SETBP1: variants seen among roughly 807,000 people sequenced by gnomAD.
SETBP1 encodes SET binding protein 1.
In SETBP1, 9 loss-of-function variants were observed where a neutral mutation model predicts 101.0. The ratio of observed to expected loss-of-function variants is 0.09; its 90% CI spans 0.05 to 0.16. The LOEUF (loss-of-function observed/expected upper bound fraction) is 0.16. Among genes scored for constraint, SETBP1 ranks in the 10% least tolerant of loss-of-function variants. The probability of loss-of-function intolerance (pLI) is 1.00; values close to 1 mark genes in which losing one functional copy is unlikely to be tolerated. For missense variants in SETBP1, 1,858 were observed against 2,033.8 expected (o/e 0.91, Z 1.66); for synonymous variants, 818 against 788.5 (o/e 1.04, Z -0.63).
intron 3 of SETBP1, among the ~76,000 whole-genome samples, chr18:44,945,750 T>C (rs564016542): frequency 2.6e-5 from 4 of 152,238 alleles, no homozygotes; most frequent in Non-Finnish European, 5.9e-5. Flanking sequence ...TTAAAAAGAC[T>C]CAGACCTTAT....
rs745656539 is a variant in SETBP1 at position 44,876,743 on chromosome 18, A to T, written c.540+7460A>T. 1.1e-5 allele frequency: 17 copies of T among 1,532,734 alleles called. No homozygotes were observed. In the East Asian group the frequency reaches 4.2e-4, roughly 38 times the overall value. The allele number at this position is 1,532,734 out of a possible 1,614,324, so 94.9% of individuals were successfully genotyped here. A position where few individuals can be genotyped will look rare whatever the true frequency, so the allele number is the denominator to read the frequency against. On this transcript the variant is annotated intron_variant, in intron 3 of 5. Coordinates refer to ENST00000649279, the MANE Select transcript of SETBP1 (RefSeq NM_015559.3). Reference sequence around the variant, plus strand: ...CACAGTGAACCTGCAGTCTGGGCACAAGAAGTATAACTTCGCATGGATTCT... The same window carrying T: ...CACAGTGAACCTGCAGTCTGGGCACTAGAAGTATAACTTCGCATGGATTCT...
At chr18:44,705,921 G>A (rs539741412) in intron 2 of SETBP1, among the ~76,000 whole-genome samples, 5 of 152,248 alleles carry the variant, frequency 3.3e-5, no homozygotes, top group South Asian at 2.1e-4. Context: ...AAGGATGCAC[G>A]GACTCTTCTA....
rs1055551345 is a variant in SETBP1, at chr18:44,951,616, C to T, written c.2276C>T (p.Pro759Leu). 12 of 1,614,072 alleles carry T rather than the reference C, an allele frequency of 7.4e-6. No homozygotes were observed. The highest frequency in any genetic ancestry group is 9.3e-6 in the Non-Finnish European group (11 of 1,180,046). The change falls in exon 4 of 6, where the codon CCA (proline) becomes CTA (leucine). Residue 759 changes from proline to leucine, a missense_variant. This residue lies in a region of SETBP1 where 121 missense variants were observed against 138.0 expected (regional missense o/e 0.88). Transcript: ENST00000649279. The surrounding 1 kb of genome is among the most constrained non-coding windows in gnomAD (Gnocchi z 7.8). ...CCTGTTTCTAGCCAGCCGGATGTTC[C>T]AGCCGTGCCTTCCAACTTTCAGTCA... ...PRPVSSQPDV[P>L]AVPSNFQSLV...
chr18:44,781,962 C>T (rs866256215), intron 2 of SETBP1, among the ~76,000 whole-genome samples: 3 of 152,214 alleles, frequency 2.0e-5, no homozygotes, highest in African/African-American at 4.8e-5. Context: ...CAACCCTTAA[C>T]GTTTTGAGTT....
At chr18:44,681,627 AT>A (rs1446695951) in intron 1 of SETBP1, among the ~76,000 whole-genome samples, 1 of 143,808 alleles carries the variant, frequency 7.0e-6, no homozygotes, top group Non-Finnish European at 1.5e-5. Flanking sequence ...TTCATTGGAG[AT>A]TGAAAGTTGT....
intron 3 of SETBP1, among the ~76,000 whole-genome samples, chr18:44,925,246 A>G (rs541613088): frequency 2.6e-5 from 4 of 152,072 alleles, no homozygotes; most frequent in Admixed American, 6.5e-5. Context: ...TTCACACATA[A>G]TAAAATACTT....
intron 4 of SETBP1, among the ~76,000 whole-genome samples, chr18:45,006,529 C>G (rs2145357713): frequency 6.6e-6 from 1 of 152,310 alleles, no homozygotes; most frequent in South Asian, 2.1e-4. Context: ...TTCCATGCTT[C>G]TCTCCTTGCA....
chr18:44,937,454 C>CAAAAAA (rs34414710), intron 3 of SETBP1, among the ~76,000 whole-genome samples: 40 of 83,374 alleles, frequency 4.8e-4, no homozygotes, highest in African/African-American at 1.7e-3. Context: ...GACTCCGTCT[C>CAAAAAA]AAAAAAAAAA....
Position 44,952,433 on chromosome 18 carries a change from G to T in SETBP1, c.3093G>T (p.Lys1031Asn), listed in dbSNP as rs2071381593. ...RPAKTNDTMT[K>N]VPFLQGFSYP... ...CAAAAACCAATGACACCATGACAAA[G>T]GTGCCTTTTTTACAAGGGTTCAGCT... The change falls in exon 4 of 6, where the codon AAG (lysine) becomes AAT (asparagine). Residue 1031 changes from lysine (K) to asparagine (N), a missense_variant. Transcript: ENST00000649279. The T allele has an allele frequency of 1.2e-6, 2 of 1,613,994 alleles. No individual in the cohort carries two copies. Among genetic ancestry groups the T allele is most frequent in the African/African-American group, 1.3e-5 (1 of 74,892 alleles).
In SETBP1 at chr18:45,063,874, G is replaced by A; in HGVS notation, c.*176G>A. The A allele has an allele frequency of 1.6e-6, 1 of 636,168 alleles. No homozygotes were observed. The allele number at this position is 636,168 out of a possible 1,614,324, so 39.4% of individuals were successfully genotyped here. ...TGAGCCATCAGGAGCTCTTGGGAAA[G>A]CAAAGCAGGGAGACACCTTCAGAAG... On this transcript the variant is annotated 3_prime_UTR_variant, in exon 6 of 6. Coordinates refer to ENST00000649279, the MANE Select transcript of SETBP1 (RefSeq NM_015559.3).
intron 4 of SETBP1, among the ~76,000 whole-genome samples, chr18:44,998,609 C>T (rs374791260): frequency 6.6e-6 from 1 of 152,188 alleles, no homozygotes; most frequent in African/African-American, 2.4e-5. Flanking sequence ...CGCTCTAGGC[C>T]GCAATTGGAA....
Position 44,775,832 on chromosome 18 carries a change from G to A in SETBP1, c.486+74000G>A, listed in dbSNP as rs559811077. On this transcript the variant is annotated intron_variant, in intron 2 of 5. Coordinates refer to ENST00000649279, the MANE Select transcript of SETBP1 (RefSeq NM_015559.3). ...TTAAGGGCCGTCTCACTCATTGCCT[G>A]CATAGATCATAGATACATGATGGAT... is the stretch of plus-strand genomic sequence containing the variant. Among the ~76,000 whole-genome samples, 5 of 152,128 alleles carry A rather than the reference G, an allele frequency of 3.3e-5. No homozygotes were observed. In the South Asian group the frequency reaches 6.2e-4, roughly 19 times the overall value.
chr18:44,977,681 C>G (rs2072020790), intron 4 of SETBP1, among the ~76,000 whole-genome samples: 1 of 152,186 alleles, frequency 6.6e-6, no homozygotes. Context: ...AGAATAATCC[C>G]ATAGCCTGGG....
In SETBP1 at chr18:45,065,614, G is replaced by T. The variant is rs917461472; in HGVS notation, c.*1916G>T. 1.3e-5 allele frequency: 2 copies of T among 152,178 alleles called. No individual in the cohort carries two copies. Among genetic ancestry groups the T allele is most frequent in the Non-Finnish European group, 2.9e-5 (2 of 68,036 alleles). 9.4% of individuals were successfully genotyped at this position (152,178 alleles called of 1,614,324 possible). ...TGCTGCGTTATGGCACCAAGAGTTG[G>T]TTGAAATTACCCACGTAGTCATACT... is the stretch of plus-strand genomic sequence containing the variant. On this transcript the variant is annotated 3_prime_UTR_variant, in exon 6 of 6. Coordinates refer to ENST00000649279, the MANE Select transcript of SETBP1 (RefSeq NM_015559.3).
chr18:44,924,117 C>G (rs1270278079), intron 3 of SETBP1, among the ~76,000 whole-genome samples: 1 of 152,074 alleles, frequency 6.6e-6, no homozygotes, highest in Non-Finnish European at 1.5e-5. Flanking sequence ...TCAAGATGGC[C>G]CAGTTGTAGA....
intron 2 of SETBP1, among the ~76,000 whole-genome samples, chr18:44,859,929 C>T (rs1276355311): frequency 6.6e-6 from 1 of 152,174 alleles, no homozygotes; most frequent in East Asian, 1.9e-4. Flanking sequence ...GCCGAGGGAC[C>T]CAGATTCTCT....
At chr18:44,955,748 C>T (rs1002256424) in intron 4 of SETBP1, among the ~76,000 whole-genome samples, 1 of 152,162 alleles carries the variant, frequency 6.6e-6, no homozygotes, top group Non-Finnish European at 1.5e-5. Flanking sequence ...TAGAACACAG[C>T]TCTTGGTGCC....
At chr18:44,818,552 T>C (rs1352545627) in intron 2 of SETBP1, among the ~76,000 whole-genome samples, 1 of 152,094 alleles carries the variant, frequency 6.6e-6, no homozygotes, top group Non-Finnish European at 1.5e-5. Context: ...TTGTTTAATG[T>C]CTTAACTCCC....
In SETBP1 at chr18:44,854,862, G is replaced by T. The variant is rs147905550; in HGVS notation, c.487-14368G>T. ...TTAGCTCTGACCTAATGGCTCTTAC[G>T]TGATGTGGCCTCACTCTGCTGTCAC... On this transcript the variant is annotated intron_variant, in intron 2 of 5. Coordinates refer to ENST00000649279, the MANE Select transcript of SETBP1 (RefSeq NM_015559.3). Among the ~76,000 whole-genome samples, 14 of 152,170 alleles carry T rather than the reference G, an allele frequency of 9.2e-5. No homozygotes were observed. In the East Asian group the frequency reaches 2.5e-3, roughly 27 times the overall value.
Sources: gnomAD v4.1 joint callset for allele counts (sites outside exome capture counted in the v4.1 genomes callset) on GRCh38, gnomAD v4.1.1 for gene constraint, gnomAD v4.1.1 regional missense constraint, Gnocchi (gnomAD v3.1) non-coding constraint, MANE v1.5 for transcripts, NCBI Gene and HGNC (gene_info 2026-07-23, HGNC 2026-07-21) for gene names.